The following FAM13A variants were observed in gnomAD, a reference collection of about 807,000 sequenced individuals.
FAM13A encodes the protein protein FAM13A.
Under a neutral mutation model 129.6 loss-of-function variants are expected in FAM13A, and 76 were observed. The ratio of observed to expected loss-of-function variants is 0.59; its 90% CI spans 0.49 to 0.71. FAM13A has a LOEUF of 0.71. Among genes scored for constraint, FAM13A ranks in the 30% least tolerant of loss-of-function variants. The probability of loss-of-function intolerance (pLI) is 0.00; values close to 1 mark genes in which losing one functional copy is unlikely to be tolerated. For missense variants in FAM13A, 1,108 were observed against 1,249.3 expected (o/e 0.89, Z 1.70); for synonymous variants, 443 against 449.9 (o/e 0.98, Z 0.20).
intron 13 of FAM13A, among the ~76,000 whole-genome samples, chr4:88,763,920 A>C (rs1560927618): frequency 6.6e-6 from 1 of 152,230 alleles, no homozygotes; most frequent in Non-Finnish European, 1.5e-5. Flanking sequence ...TTGGAAGCGA[A>C]TTTGAAGTAA....
At chr4:89,020,163 C>T (rs1443759930) in intron 3 of FAM13A, among the ~76,000 whole-genome samples, 22 of 151,640 alleles carry the variant, frequency 1.5e-4, no homozygotes, top group Non-Finnish European at 2.9e-5. Context: ...GGGATGAGGG[C>T]CTGGAGTAAA....
chr4:88,823,649 T>G (rs1399129538), intron 7 of FAM13A, among the ~76,000 whole-genome samples: 1 of 152,204 alleles, frequency 6.6e-6, no homozygotes, highest in Non-Finnish European at 1.5e-5. Flanking sequence ...CCTTTCTTCC[T>G]TAAAACAAAA....
Position 88,725,963 on chromosome 4 carries a change from T to TAA in FAM13A, c.*2568_*2569dup, listed in dbSNP as rs1168003767. 6 of 148,572 alleles carry TAA rather than the reference T, an allele frequency of 4.0e-5. No individual in the cohort carries two copies. Among genetic ancestry groups the TAA allele is most frequent in the African/African-American group, 1.5e-4 (6 of 40,238 alleles). The allele number at this position is 148,572 out of a possible 1,614,324, so 9.2% of individuals were successfully genotyped here. A position where few individuals can be genotyped will look rare whatever the true frequency, so the allele number is the denominator to read the frequency against. ...ACAATAAAAGTACTTATGAAAATTA[T>TAA]AAGTCTGCACTCTTTAATTCTTAAG... is the stretch of plus-strand genomic sequence containing the variant. On this transcript the variant is annotated 3_prime_UTR_variant, in exon 24 of 24. Transcript: ENST00000264344.
At chr4:88,790,504 C>CAT in intron 9 of FAM13A, 82 bp downstream of exon 9, 7 of 1,151,698 alleles carry the variant, frequency 6.1e-6, no homozygotes, top group Non-Finnish European at 8.8e-6. Context: ...ATTAGAGTTG[C>CAT]TTTTTTTTTC....
intron 7 of FAM13A, among the ~76,000 whole-genome samples, chr4:88,834,836 T>C (rs886942897): frequency 3.9e-5 from 6 of 152,192 alleles, no homozygotes; most frequent in African/African-American, 1.4e-4. Flanking sequence ...AAAGTTTAAA[T>C]GAAATACTAT....
chr4:88,751,667 A>T (rs1473598920), intron 14 of FAM13A, among the ~76,000 whole-genome samples: 2 of 152,118 alleles, frequency 1.3e-5, no homozygotes, highest in Non-Finnish European at 2.9e-5. Flanking sequence ...TTAGGGAGAG[A>T]AGAGGGCAAC....
At chr4:88,946,401 CTTTTTTTTTT>C (rs3067813) in intron 4 of FAM13A, among the ~76,000 whole-genome samples, 1 of 91,716 alleles carries the variant, frequency 1.1e-5, no homozygotes. Flanking sequence ...CTCCCGCGTT[CTTTTTTTTTT>C]TTTTTTTTTT....
At chr4:88,794,318 A>C (rs1480884539) in intron 8 of FAM13A, among the ~76,000 whole-genome samples, 1 of 151,956 alleles carries the variant, frequency 6.6e-6, no homozygotes, top group Non-Finnish European at 1.5e-5. Context: ...TGGTCATTTA[A>C]AATAGATTCT....
At position 88,938,243 on chromosome 4, in the gene FAM13A, T is replaced by C; in HGVS notation, c.606-2A>G. 1 of 1,597,012 alleles carries C rather than the reference T, an allele frequency of 6.3e-7. No individual in the cohort carries two copies. Among genetic ancestry groups the C allele is most frequent in the Non-Finnish European group, 8.5e-7 (1 of 1,173,900 alleles). On this transcript the variant is annotated splice_acceptor_variant, in intron 4 of 23. Coordinates refer to ENST00000264344, the MANE Select transcript of FAM13A (RefSeq NM_014883.4). LOFTEE classifies it high-confidence loss of function. ...ATGCCTTCAAGCCCAGGTGGCACAC[T>C]AGAAACAAGAAAGGGAAAGAGAGGA...
intron 5 of FAM13A, among the ~76,000 whole-genome samples, chr4:88,913,255 A>G (rs558831881): frequency 0.011 from 1,467 of 132,162 alleles, 24 homozygotes; most frequent in Non-Finnish European, 0.019. Flanking sequence ...AGGAAGAAGA[A>G]GAGGAAGAAG....
chr4:88,857,461 G>A (rs1239338493), intron 6 of FAM13A, among the ~76,000 whole-genome samples: 2 of 151,558 alleles, frequency 1.3e-5, no homozygotes, highest in Admixed American at 1.3e-4. Context: ...AACCCTGTCA[G>A]TACTAAAAAT....
chr4:88,805,303 G>A (rs1728334457), intron 7 of FAM13A, among the ~76,000 whole-genome samples: 1 of 152,136 alleles, frequency 6.6e-6, no homozygotes, highest in Admixed American at 6.5e-5. Flanking sequence ...ACTTTCAAGA[G>A]GAAGCTTTTT....
intron 6 of FAM13A, among the ~76,000 whole-genome samples, chr4:88,853,553 C>A (rs1352150272): frequency 6.6e-6 from 1 of 152,086 alleles, no homozygotes; most frequent in Admixed American, 6.5e-5. Flanking sequence ...AACTAATTAG[C>A]CAAAAATCTC....
At chr4:88,997,369 T>C (rs1763686747) in intron 3 of FAM13A, among the ~76,000 whole-genome samples, 1 of 152,246 alleles carries the variant, frequency 6.6e-6, no homozygotes, top group African/African-American at 2.4e-5. Flanking sequence ...TCAAGTTTTC[T>C]TGAAAGTTCT....
At chr4:88,963,336 C>T (rs963195813) in intron 4 of FAM13A, among the ~76,000 whole-genome samples, 86 of 149,020 alleles carry the variant, frequency 5.8e-4, no homozygotes, top group African/African-American at 2.1e-3. Context: ...TTCGCTCTGT[C>T]GCCCAGGCTG....
At position 88,748,945 on chromosome 4, in the gene FAM13A, T is replaced by C; in HGVS notation, c.2161+7A>G. The C allele has an allele frequency of 6.2e-7, 1 of 1,606,490 alleles. No individual in the cohort carries two copies. Among genetic ancestry groups the C allele is most frequent in the South Asian group, 1.1e-5 (1 of 90,894 alleles). On this transcript the variant is annotated splice_region_variant and intron_variant, in intron 17 of 23. Transcript: ENST00000264344. ...TACAGAAGCCACAGCTCCAGAATTT[T>C]ACCCACCTTTAAGTTGTCTCCGGAA...
At chr4:89,022,544 T>C (rs77495105) in intron 2 of FAM13A, among the ~76,000 whole-genome samples, 10 of 152,326 alleles carry the variant, frequency 6.6e-5, no homozygotes, top group Admixed American at 6.5e-5. Context: ...ATGGAAGAGA[T>C]ACCAGTTGGT....
chr4:88,974,056 T>C (rs75470748), intron 4 of FAM13A, among the ~76,000 whole-genome samples: 7,944 of 152,196 alleles, frequency 0.052, 323 homozygotes, highest in South Asian at 0.24. Flanking sequence ...ATTGGTTCCT[T>C]TTCTCCTCCC....
At chr4:88,820,275 C>A (rs1361806237) in intron 7 of FAM13A, among the ~76,000 whole-genome samples, 1 of 152,114 alleles carries the variant, frequency 6.6e-6, no homozygotes, top group South Asian at 2.1e-4. Context: ...TCCATCTAGG[C>A]ACATCTCTAT....
Sources: allele counts gnomAD v4.1 joint callset (sites outside exome capture counted in the v4.1 genomes callset), GRCh38; gene constraint gnomAD v4.1.1; transcripts MANE v1.5; gene names NCBI Gene and HGNC (gene_info 2026-07-23, HGNC 2026-07-21).